The following OR9Q1 variants were observed in gnomAD, a reference collection of about 807,000 sequenced individuals.
OR9Q1 encodes the protein olfactory receptor family 9 subfamily Q member 1, also known as olfactory receptor 9Q1.
For missense variants in OR9Q1, 374 were observed against 378.8 expected, an observed-to-expected ratio of 0.99 and a Z score of 0.11; for synonymous variants, 153 against 148.6, an observed-to-expected ratio of 1.03 and a Z score of -0.22.
intron 2 of OR9Q1, among the ~76,000 whole-genome samples, chr11:58,121,521 C>T (rs1259554954): frequency 3.9e-5 from 6 of 152,104 alleles, no homozygotes; most frequent in Admixed American, 3.9e-4. Context: ...ATCCGTTGAC[C>T]CACATGTAGA....
intron 2 of OR9Q1, among the ~76,000 whole-genome samples, chr11:58,164,050 T>C (rs910028721): frequency 2.0e-5 from 3 of 152,120 alleles, no homozygotes; most frequent in Admixed American, 2.0e-4. Flanking sequence ...TGGCCACGGA[T>C]TGGCTATGAC....
At chr11:58,054,469 A>G (rs539566936) in intron 1 of OR9Q1, among the ~76,000 whole-genome samples, 6 of 152,194 alleles carry the variant, frequency 3.9e-5, no homozygotes, top group South Asian at 2.1e-4. Context: ...ACCAATACCA[A>G]TATTTTTGCA....
At chr11:58,060,813 A>G (rs1234183832) in intron 2 of OR9Q1, among the ~76,000 whole-genome samples, 3 of 151,238 alleles carry the variant, frequency 2.0e-5, no homozygotes, top group Admixed American at 6.6e-5. Flanking sequence ...TTTTTGATAG[A>G]GGAGGATAAG....
At chr11:58,100,732 A>G (rs1216580594) in intron 2 of OR9Q1, among the ~76,000 whole-genome samples, 1 of 152,134 alleles carries the variant, frequency 6.6e-6, no homozygotes, top group Non-Finnish European at 1.5e-5. Flanking sequence ...TTATTGAATT[A>G]TATTTTTACA....
At chr11:58,170,210 C>T (rs1430295975) in intron 2 of OR9Q1, among the ~76,000 whole-genome samples, 2 of 152,128 alleles carry the variant, frequency 1.3e-5, no homozygotes, top group Non-Finnish European at 2.9e-5. Context: ...GTATCATTTA[C>T]AGACCCCCTC....
intron 2 of OR9Q1, among the ~76,000 whole-genome samples, chr11:58,179,000 G>A (rs553913332): frequency 1.5e-3 from 181 of 119,502 alleles, no homozygotes; most frequent in African/African-American, 5.2e-3. Context: ...GAGAGAGAGA[G>A]AGAAAGAAAG....
At chr11:58,094,695 A>G (rs533559438) in intron 2 of OR9Q1, among the ~76,000 whole-genome samples, 14 of 152,336 alleles carry the variant, frequency 9.2e-5, no homozygotes, top group Admixed American at 1.3e-4. Flanking sequence ...TGCTATTAGA[A>G]CCAATATTTT....
chr11:58,179,644 CT>C lies in OR9Q1; in HGVS notation c.203del (p.Phe68SerfsTer69). 6.2e-7 allele frequency: 1 copy of C among 1,613,188 alleles called. No homozygotes were observed. The highest frequency in any genetic ancestry group is 8.5e-7 in the Non-Finnish European group (1 of 1,179,302). On this transcript the variant is annotated frameshift_variant, in exon 3 of 3. Coordinates refer to ENST00000335397, the MANE Select transcript of OR9Q1 (RefSeq NM_001005212.4). LOFTEE classifies it low-confidence loss of function (END_TRUNC). ...APMYFLLSHL[A>X]FMDVCYSSIT... ...ATGTATTTCCTTCTGAGTCACCTCG[CT>C]TTCATGGACGTCTGCTACTCATCTA...
chr11:58,079,597 A>ATG (rs1853570245), intron 2 of OR9Q1, among the ~76,000 whole-genome samples: 1 of 152,108 alleles, frequency 6.6e-6, no homozygotes, highest in Non-Finnish European at 1.5e-5. Flanking sequence ...GGTGGAAGTG[A>ATG]TGTCATGCCA....
intron 2 of OR9Q1, among the ~76,000 whole-genome samples, chr11:58,102,359 T>C (rs1853792724): frequency 2.0e-5 from 3 of 152,186 alleles, no homozygotes; most frequent in Admixed American, 2.0e-4. Flanking sequence ...CTGCTCTTTC[T>C]GTGAGTTTTA....
chr11:58,178,590 G>A (rs1283258668), intron 2 of OR9Q1, among the ~76,000 whole-genome samples: 1 of 152,064 alleles, frequency 6.6e-6, no homozygotes, highest in Non-Finnish European at 1.5e-5. Flanking sequence ...GGAGAAAAAG[G>A]GATAGAGTCC....
chr11:58,054,697 C>A (rs993005961), intron 1 of OR9Q1, among the ~76,000 whole-genome samples: 4 of 111,404 alleles, frequency 3.6e-5, no homozygotes, highest in Non-Finnish European at 7.3e-5. Flanking sequence ...CCGAGGTGGG[C>A]GGATCACTTG....
chr11:58,076,352 C>T (rs1447073840), intron 2 of OR9Q1, among the ~76,000 whole-genome samples: 1 of 152,178 alleles, frequency 6.6e-6, no homozygotes, highest in Non-Finnish European at 1.5e-5. Context: ...AGGTCCTCCT[C>T]CAAACTCTTT....
At chr11:58,158,122 T>C (rs1274207579) in intron 2 of OR9Q1, among the ~76,000 whole-genome samples, 1 of 152,196 alleles carries the variant, frequency 6.6e-6, no homozygotes, top group East Asian at 1.9e-4. Context: ...TTCATTCTCA[T>C]GTCTCTGGGG....
Position 58,118,491 on chromosome 11 carries a change from T to G in OR9Q1, c.-14-60940T>G, listed in dbSNP as rs771984721. ...AGTGGACTAAAACAAGAATTCCTCTTACTTAGATCTACATGCTCAGGGACA... is the reference window on the plus strand; with the variant it reads ...AGTGGACTAAAACAAGAATTCCTCTGACTTAGATCTACATGCTCAGGGACA... On this transcript the variant is annotated intron_variant, in intron 2 of 2. Coordinates refer to ENST00000335397, the MANE Select transcript of OR9Q1 (RefSeq NM_001005212.4). The G allele has an allele frequency of 3.9e-6, 6 of 1,551,686 alleles. No individual in the cohort carries two copies. The African/African-American group carries it at 4.1e-5, about 11-fold the overall frequency.
At chr11:58,135,212 G>A (rs1188360457) in intron 2 of OR9Q1, among the ~76,000 whole-genome samples, 1 of 152,156 alleles carries the variant, frequency 6.6e-6, no homozygotes, top group Non-Finnish European at 1.5e-5. Context: ...CAGTGCAAAT[G>A]TATTGCCAGA....
At chr11:58,068,562 A>G (rs902469487) in intron 2 of OR9Q1, among the ~76,000 whole-genome samples, 2 of 152,130 alleles carry the variant, frequency 1.3e-5, no homozygotes, top group African/African-American at 4.8e-5. Context: ...TCAAATCCTG[A>G]CCCAGGGCCA....
intron 2 of OR9Q1, among the ~76,000 whole-genome samples, chr11:58,121,037 C>T (rs1437397374): frequency 6.6e-6 from 1 of 151,912 alleles, no homozygotes; most frequent in East Asian, 1.9e-4. Context: ...TTGTGTTTCT[C>T]TATTATGACT....
chr11:58,147,121 T>C (rs1349815888), intron 2 of OR9Q1, among the ~76,000 whole-genome samples: 4 of 152,200 alleles, frequency 2.6e-5, no homozygotes, highest in Non-Finnish European at 5.9e-5. Flanking sequence ...CAATACTGTA[T>C]GCTTCATTCT....
Sources: allele counts gnomAD v4.1 joint callset (sites outside exome capture counted in the v4.1 genomes callset), GRCh38; gene constraint gnomAD v4.1.1; transcripts MANE v1.5; gene names NCBI Gene and HGNC (gene_info 2026-07-23, HGNC 2026-07-21).